ADGRL4: variants seen among roughly 807,000 people sequenced by gnomAD.
ADGRL4 encodes the protein EGF, latrophilin and seven transmembrane domain containing 1.
ADGRL4 carries 90 observed loss-of-function variants against 74.8 expected under a neutral mutation model. The observed-to-expected ratio is 1.20, with a 90% CI of 1.02 to 1.43. ADGRL4 has a LOEUF of 1.43. ADGRL4 is among the 40% of genes most tolerant of loss of function. The pLI is 0.00. For synonymous variants in ADGRL4, 311 were observed against 279.2 expected (o/e 1.11, Z -1.14); for missense variants, 881 against 814.3 (o/e 1.08, Z -1.00).
At chr1:78,952,875 A>G (rs1048875480) in intron 2 of ADGRL4, among the ~76,000 whole-genome samples, 2 of 152,168 alleles carry the variant, frequency 1.3e-5, no homozygotes, top group Admixed American at 6.5e-5. Context: ...CACTTTGACT[A>G]TGAGTCAGAC....
At chr1:78,912,663 A>G (rs907869766) in intron 12 of ADGRL4, among the ~76,000 whole-genome samples, 1 of 151,850 alleles carries the variant, frequency 6.6e-6, no homozygotes, top group East Asian at 1.9e-4. Flanking sequence ...ATGTTAAAAT[A>G]GGAGGTCATA....
chr1:78,914,717 T>C (rs1648834554), intron 12 of ADGRL4, among the ~76,000 whole-genome samples: 1 of 151,684 alleles, frequency 6.6e-6, no homozygotes, highest in Non-Finnish European at 1.5e-5. Flanking sequence ...TAAAATCTGG[T>C]GTTTACTTCT....
chr1:78,917,717 A>G lies in ADGRL4; in HGVS notation c.1683-17T>C, dbSNP rs1411510307. On this transcript the variant is annotated splice_polypyrimidine_tract_variant and intron_variant, in intron 11 of 14. Coordinates refer to ENST00000370742, the MANE Select transcript of ADGRL4 (RefSeq NM_022159.4). ...AGCCAACATCTGAAAAGTAAATAAA[A>G]GATAGAATCTATAAATATGTTTGCA... 25 of 1,599,824 alleles carry G rather than the reference A, an allele frequency of 1.6e-5. No individual in the cohort carries two copies. The highest frequency in any genetic ancestry group is 2.2e-5 in the East Asian group (1 of 44,668).
At chr1:78,962,019 T>C (rs1197206317) in intron 2 of ADGRL4, among the ~76,000 whole-genome samples, 2 of 152,116 alleles carry the variant, frequency 1.3e-5, no homozygotes, top group Non-Finnish European at 1.5e-5. Flanking sequence ...TAGCTGGGAT[T>C]GCAGGCATGC....
intron 7 of ADGRL4, among the ~76,000 whole-genome samples, chr1:78,933,243 G>A (rs1649283933): frequency 1.3e-5 from 2 of 151,442 alleles, no homozygotes. Context: ...AATCAGGTCA[G>A]CTTCATCCCT....
rs567882278 is a variant in ADGRL4, at chr1:78,951,278, C to T, written c.173-4852G>A. On this transcript the variant is annotated intron_variant, in intron 2 of 14. Transcript: ENST00000370742. ...ATCTTCTTCCTTGAGTTTACTTCTT[C>T]TTACCAATCAAGTGATAAAGTCCAG... Among the ~76,000 whole-genome samples, 5 of 152,214 alleles carry T rather than the reference C, an allele frequency of 3.3e-5. No individual in the cohort carries two copies. The South Asian group carries it at 1.0e-3, about 32-fold the overall frequency.
chr1:78,898,211 C>T (rs1441350471), intron 12 of ADGRL4, among the ~76,000 whole-genome samples: 1 of 152,042 alleles, frequency 6.6e-6, no homozygotes, highest in Non-Finnish European at 1.5e-5. Flanking sequence ...TAAAAGTCTC[C>T]ATTTTGGGTT....
intron 12 of ADGRL4, among the ~76,000 whole-genome samples, chr1:78,909,196 C>G (rs1171696104): frequency 6.6e-6 from 1 of 151,808 alleles, no homozygotes; most frequent in Non-Finnish European, 1.5e-5. Context: ...TGCCATTATC[C>G]ATAACATTTA....
chr1:78,954,722 G>T (rs985457709), intron 2 of ADGRL4, among the ~76,000 whole-genome samples: 1 of 152,056 alleles, frequency 6.6e-6, no homozygotes, highest in African/African-American at 2.4e-5. Flanking sequence ...ATCACTAAAA[G>T]TTCAGTTTAT....
At chr1:78,903,082 A>G (rs1438359154) in intron 12 of ADGRL4, among the ~76,000 whole-genome samples, 1 of 152,208 alleles carries the variant, frequency 6.6e-6, no homozygotes, top group Non-Finnish European at 1.5e-5. Context: ...AATACTTAAA[A>G]TATGAATGAC....
At chr1:78,906,108 A>G (rs939954169) in intron 12 of ADGRL4, among the ~76,000 whole-genome samples, 6 of 152,032 alleles carry the variant, frequency 3.9e-5, no homozygotes, top group Non-Finnish European at 8.8e-5. Flanking sequence ...CATGGGTTTT[A>G]TGATATAAAT....
Position 78,926,890 on chromosome 1 carries a change from C to G in ADGRL4, c.1079G>C (p.Arg360Pro). The change falls in exon 8 of 15, where the codon CGA (arginine) becomes CCA (proline). Residue 360 changes from arginine (R) to proline (P), a missense_variant. Coordinates refer to ENST00000370742, the MANE Select transcript of ADGRL4 (RefSeq NM_022159.4). ...ACTACCAGAAAAACAGCTTACCTTT[C>G]GATGACTTAATGTAAATGTTATTTT... Reference protein sequence around the residue: ...LEKITFTLSHRKVTDRYRSLC... With the variant: ...LEKITFTLSHPKVTDRYRSLC... The G allele has an allele frequency of 6.2e-7, 1 of 1,609,134 alleles. No individual in the cohort carries two copies. The highest frequency in any genetic ancestry group is 1.7e-5 in the Admixed American group (1 of 59,762).
chr1:78,949,792 AATAACT>A (rs1298800960), intron 2 of ADGRL4, among the ~76,000 whole-genome samples: 1 of 152,158 alleles, frequency 6.6e-6, no homozygotes, highest in Non-Finnish European at 1.5e-5. Context: ...TAGATTGTAA[AATAACT>A]ATTTAGATTA....
At chr1:78,946,844 A>G (rs1649612205) in intron 2 of ADGRL4, among the ~76,000 whole-genome samples, 1 of 152,202 alleles carries the variant, frequency 6.6e-6, no homozygotes, top group Admixed American at 6.6e-5. Context: ...ATCATGTACT[A>G]TTTATTTCAT....
At chr1:78,980,352 A>G (rs1650373723) in intron 2 of ADGRL4, among the ~76,000 whole-genome samples, 1 of 151,870 alleles carries the variant, frequency 6.6e-6, no homozygotes, top group East Asian at 1.9e-4. Flanking sequence ...TCTAGTGCCT[A>G]ATACATTGTC....
intron 2 of ADGRL4, among the ~76,000 whole-genome samples, chr1:78,984,647 A>G (rs1650459154): frequency 6.6e-6 from 1 of 151,800 alleles, no homozygotes; most frequent in African/African-American, 2.4e-5. Flanking sequence ...TTTCAAATAC[A>G]GAAGAAAGCA....
chr1:79,004,698 T>A (rs933907761), intron 2 of ADGRL4, among the ~76,000 whole-genome samples: 1 of 152,124 alleles, frequency 6.6e-6, no homozygotes, highest in Non-Finnish European at 1.5e-5. Context: ...GGTATAAAAA[T>A]ACTTATATAC....
At chr1:78,982,047 C>T (rs1458269968) in intron 2 of ADGRL4, among the ~76,000 whole-genome samples, 1 of 151,748 alleles carries the variant, frequency 6.6e-6, no homozygotes, top group African/African-American at 2.4e-5. Context: ...CTTCTTTGAA[C>T]CTTACACAAA....
intron 12 of ADGRL4, among the ~76,000 whole-genome samples, chr1:78,894,826 C>A (rs2100649772): frequency 6.6e-6 from 1 of 151,972 alleles, no homozygotes; most frequent in South Asian, 2.1e-4. Context: ...ACGAGAAAAG[C>A]TGTTCTCTAG....
Sources: allele counts gnomAD v4.1 joint callset (sites outside exome capture counted in the v4.1 genomes callset), GRCh38; gene constraint gnomAD v4.1.1; transcripts MANE v1.5; gene names NCBI Gene and HGNC (gene_info 2026-07-23, HGNC 2026-07-21).